The following IFT122 variants were observed in gnomAD, a reference collection of about 807,000 sequenced individuals.
The protein encoded by IFT122 is intraflagellar transport 122.
A neutral mutation model predicts 161.6 loss-of-function variants in IFT122; 118 were observed. The observed-to-expected ratio is 0.73, with a 90% confidence interval of 0.63 to 0.85. IFT122 has a LOEUF of 0.85. Ranked by LOEUF, IFT122 falls within the 40% of genes least tolerant of loss-of-function variation. IFT122 has a pLI of 0.00. For synonymous variants in IFT122, 550 were observed against 602.4 expected (o/e 0.91, Z 1.27); for missense variants, 1,381 against 1,579.6 (o/e 0.87, Z 2.13).
intron 4 of IFT122, among the ~76,000 whole-genome samples, chr3:129,458,978 A>G (rs1411741544): frequency 1.3e-5 from 2 of 152,162 alleles, no homozygotes; most frequent in African/African-American, 2.4e-5. Flanking sequence ...TCCCTGTCTC[A>G]GAGAATGGCC....
At chr3:129,469,441 A>G (rs202032451) in intron 9 of IFT122, 24 bp downstream of exon 9, 53 of 1,538,378 alleles carry the variant, frequency 3.4e-5, no homozygotes, top group African/African-American at 2.6e-4. Context: ...TACAAATCCA[A>G]TTGCAGTCAT....
At chr3:129,459,392 C>T in intron 4 of IFT122, 1 of 414,162 alleles carries the variant, frequency 2.4e-6, no homozygotes, top group Non-Finnish European at 4.8e-6. Flanking sequence ...CAGGTTCACG[C>T]CATTCTCCTG....
At chr3:129,510,065 A>G (rs1173961669) in intron 23 of IFT122, among the ~76,000 whole-genome samples, 1 of 151,988 alleles carries the variant, frequency 6.6e-6, no homozygotes, top group African/African-American at 2.4e-5. Flanking sequence ...CTGGGCATCT[A>G]GCATTTCTCT....
At chr3:129,503,127 G>C (rs760747898) in intron 20 of IFT122, among the ~76,000 whole-genome samples, 8 of 152,208 alleles carry the variant, frequency 5.3e-5, no homozygotes, top group Non-Finnish European at 1.5e-5. Context: ...CTCTGCCAGG[G>C]TGGTGACAGG....
intron 7 of IFT122, among the ~76,000 whole-genome samples, 177 bp downstream of exon 7, chr3:129,464,958 G>A (rs2076559320): frequency 6.6e-6 from 1 of 151,988 alleles, no homozygotes; most frequent in African/African-American, 2.4e-5. Flanking sequence ...AGAATGTATG[G>A]AATTTATTAA....
At chr3:129,487,999 G>T in intron 15 of IFT122, 2 of 556,868 alleles carry the variant, frequency 3.6e-6, no homozygotes, top group Non-Finnish European at 6.5e-6. Flanking sequence ...GGCGAGGCAG[G>T]CCTGTAGGTG....
intron 19 of IFT122, among the ~76,000 whole-genome samples, chr3:129,500,769 T>C (rs1353261329): frequency 6.6e-6 from 1 of 151,900 alleles, no homozygotes; most frequent in Non-Finnish European, 1.5e-5. Context: ...ACATGGGCTG[T>C]GGGTTGGGGG....
At position 129,481,554 on chromosome 3, in the gene IFT122, C is replaced by G. The variant is rs552787529; in HGVS notation, c.1513C>G (p.Leu505Val). The change falls in exon 14 of 30, where the codon CTC becomes GTC. Residue 505 changes from leucine to valine, a missense_variant. By Grantham distance (32) the Leu-to-Val change is conservative (BLOSUM62 1). This residue lies in a region of IFT122 where 544 missense variants were observed against 648.0 expected (regional missense o/e 0.84). Coordinates refer to ENST00000348417, the MANE Select transcript of IFT122 (RefSeq NM_052989.3). ...GATCCTGAAGATCTTCGTGGACAAT[C>G]TCTTTGCTATCGTCCTGCTGAAGCA... ...GQILKIFVDN[L>V]FAIVLLKQAT... is the part of the protein sequence containing the mutation. The G allele has an allele frequency of 1.6e-5, 26 of 1,583,746 alleles. No individual in the cohort carries two copies. Among genetic ancestry groups the G allele is most frequent in the Admixed American group, 3.3e-5 (2 of 59,928 alleles).
chr3:129,508,796 A>G (rs2082465872), intron 23 of IFT122, among the ~76,000 whole-genome samples: 1 of 131,132 alleles, frequency 7.6e-6, no homozygotes, highest in African/African-American at 3.9e-5. Flanking sequence ...GCAAGAGGTC[A>G]GGTGAATATT....
rs1410501255 is a variant in IFT122, at chr3:129,479,882, C to T, written c.1448C>T (p.Pro483Leu). The T allele has an allele frequency of 6.2e-7, 1 of 1,613,884 alleles. No individual in the cohort carries two copies. The change falls in exon 13 of 30, where the codon CCT becomes CTT. Residue 483 changes from proline (P) to leucine (L), a missense_variant. Pro to Leu is a moderately conservative substitution (Grantham distance 98, BLOSUM62 -3). This residue lies in a region of IFT122 where 544 missense variants were observed against 648.0 expected (regional missense o/e 0.84). Coordinates refer to ENST00000348417, the MANE Select transcript of IFT122 (RefSeq NM_052989.3). ...TACATCAAGGTGATCGGTGGCCCTC[C>T]TGGAAGAGAAGGCCTCTTAGTGGGG... ...IRYIKVIGGPPGREGLLVGLK... is the reference protein window; with the variant it reads ...IRYIKVIGGPLGREGLLVGLK...
rs1381878132 is a variant in IFT122 at position 129,519,200 on chromosome 3, T to A, written c.3471+14T>A. ...CTGAGCTTTGAGGTGAGGGTGCCTC[T>A]CTGGGTGACCTGCAGGAGGGCAGCC... On this transcript the variant is annotated intron_variant, in intron 28 of 29. Transcript: ENST00000348417. 3.1e-6 allele frequency: 5 copies of A among 1,611,176 alleles called. No homozygotes were observed. Among genetic ancestry groups the A allele is most frequent in the Non-Finnish European group, 4.2e-6 (5 of 1,177,574 alleles).
chr3:129,483,398 C>CT lies in IFT122; in HGVS notation c.1654-84dup, dbSNP rs1178842700. 6.2e-6 allele frequency: 7 copies of CT among 1,126,032 alleles called. No individual in the cohort carries two copies. The African/African-American group carries it at 1.1e-4, about 17-fold the overall frequency. The allele number at this position is 1,126,032 out of a possible 1,614,324, so 69.8% of individuals were successfully genotyped here. A position where few individuals can be genotyped will look rare whatever the true frequency, so the allele number is the denominator to read the frequency against. On this transcript the variant is annotated intron_variant, in intron 14 of 29. Transcript: ENST00000348417. ...TGTAAGCAATTTAGTGGGATTCAGTCTTTAAGAGGGTATTGGGCTGAAATG... is the reference window on the plus strand; with the variant it reads ...TGTAAGCAATTTAGTGGGATTCAGTCTTTTAAGAGGGTATTGGGCTGAAATG...
chr3:129,446,963 C>G (rs2074082020), intron 1 of IFT122, among the ~76,000 whole-genome samples: 1 of 152,150 alleles, frequency 6.6e-6, no homozygotes, highest in South Asian at 2.1e-4. Context: ...CACATTCTTA[C>G]TATAGTCACC....
chr3:129,507,862 T>C, intron 23 of IFT122, 100 bp downstream of exon 23: 1 of 897,038 alleles, frequency 1.1e-6, no homozygotes, highest in Non-Finnish European at 1.9e-6. Flanking sequence ...TGTAACCCAC[T>C]GGTCACAGTG....
At chr3:129,486,433 T>G (rs968984223) in intron 15 of IFT122, among the ~76,000 whole-genome samples, 1 of 152,234 alleles carries the variant, frequency 6.6e-6, no homozygotes, top group African/African-American at 2.4e-5. Context: ...TCCTTATTAC[T>G]GACTCATAAA....
intron 20 of IFT122, among the ~76,000 whole-genome samples, chr3:129,503,349 TC>T (rs140539739): frequency 0.036 from 5,439 of 152,198 alleles, 338 homozygotes; most frequent in African/African-American, 0.12. Context: ...GTTTTTTCCC[TC>T]CCTTCTCTGC....
chr3:129,517,056 C>T (rs2083948082), intron 26 of IFT122, among the ~76,000 whole-genome samples: 1 of 143,660 alleles, frequency 7.0e-6, no homozygotes, highest in South Asian at 2.3e-4. Context: ...CACACACACA[C>T]ACACAGACTG....
At chr3:129,479,944 C>T (rs757855780) in intron 13 of IFT122, 22 bp downstream of exon 13, 8 of 1,613,504 alleles carry the variant, frequency 5.0e-6, no homozygotes, top group Non-Finnish European at 4.2e-6. Context: ...CTCACGTCTC[C>T]TGTCAGGCTG....
chr3:129,511,819 C>T (rs536919008), intron 23 of IFT122, among the ~76,000 whole-genome samples: 1 of 152,198 alleles, frequency 6.6e-6, no homozygotes, highest in Non-Finnish European at 1.5e-5. Context: ...CATGTGGGTT[C>T]ATGCTGGAGA....
Sources: gnomAD v4.1 joint callset for allele counts (sites outside exome capture counted in the v4.1 genomes callset) on GRCh38, gnomAD v4.1.1 for gene constraint, gnomAD v4.1.1 regional missense constraint, MANE v1.5 for transcripts, NCBI Gene and HGNC (gene_info 2026-07-23, HGNC 2026-07-21) for gene names.